MBD6: variants seen among roughly 807,000 people sequenced by gnomAD.
MBD6 encodes methyl-CpG-binding domain protein 6.
In MBD6, 22 loss-of-function variants were observed where a neutral mutation model predicts 66.8. The ratio of observed to expected loss-of-function variants is 0.33; its 90% CI spans 0.24 to 0.47. The LOEUF is 0.47. Ranked by LOEUF, MBD6 falls within the 20% of genes least tolerant of loss-of-function variation. MBD6 has a pLI of 1.00. For missense variants in MBD6, 1,322 were observed against 1,286.9 expected (o/e 1.03, Z -0.42); for synonymous variants, 540 against 534.6 (o/e 1.01, Z -0.14).
chr12:57,529,396 A>T lies in MBD6; in HGVS notation c.*162A>T. The T allele has an allele frequency of 1.7e-6, 1 of 574,720 alleles. No homozygotes were observed. The allele number at this position is 574,720 out of a possible 1,614,324, so 35.6% of individuals were successfully genotyped here. A position where few individuals can be genotyped will look rare whatever the true frequency, so the allele number is the denominator to read the frequency against. On this transcript the variant is annotated 3_prime_UTR_variant, in exon 13 of 13. Transcript: ENST00000355673. ...TTCCCCTACAATCCCATCCTGAGCC[A>T]TTGCAGGGGGCAGGGAAGTTCACCC...
chr12:57,525,697 C>T lies in MBD6; in HGVS notation c.729C>T (p.Gly243=). 3.1e-6 allele frequency: 5 copies of T among 1,614,050 alleles called. No individual in the cohort carries two copies. Among genetic ancestry groups the T allele is most frequent in the Non-Finnish European group, 4.2e-6 (5 of 1,179,974 alleles). Residue 243 remains glycine, a synonymous_variant, in exon 6 of 13, where the codon GGC becomes GGT. Coordinates refer to ENST00000355673, the MANE Select transcript of MBD6 (RefSeq NM_052897.4). Reference sequence around the variant, plus strand: ...CCAGCCTGGTGCCCTCTGACCTGGGCTCTCCTCCGGCCCCTCATGCCTCCT... The same window carrying T: ...CCAGCCTGGTGCCCTCTGACCTGGGTTCTCCTCCGGCCCCTCATGCCTCCT... ...LRSSLVPSDL[G]SPPAPHASSS... is the part of the protein sequence containing the mutation.
At position 57,529,858 on chromosome 12, in the gene MBD6, G is replaced by A. The variant is rs1391370068; in HGVS notation, c.*624G>A. ...TCTGGGATATAAAAAAGGGGGTAAG[G>A]GGGCAAAGAGAGCCCTCTGGGCCTC... On this transcript the variant is annotated 3_prime_UTR_variant, in exon 13 of 13. Coordinates refer to ENST00000355673, the MANE Select transcript of MBD6 (RefSeq NM_052897.4). 6.5e-6 allele frequency: 1 copy of A among 153,862 alleles called. No individual in the cohort carries two copies. The allele number at this position is 153,862 out of a possible 1,614,324, so 9.5% of individuals were successfully genotyped here.
In MBD6 at chr12:57,527,080, CG is replaced by C; in HGVS notation, c.1940del (p.Gly647ValfsTer28). The C allele has an allele frequency of 1.9e-6, 3 of 1,601,732 alleles. No homozygotes were observed. The highest frequency in any genetic ancestry group is 1.7e-5 in the Admixed American group (1 of 59,084). ...GDGEGSAEGA[G>X]GPSGEPFSGL... is the part of the protein sequence containing the mutation. ...ATGGGGAGGGATCTGCAGAGGGAGC[CG>C]GGGGTCCAAGTGGGGAGCCATTTTC... On this transcript the variant is annotated frameshift_variant, in exon 7 of 13. Coordinates refer to ENST00000355673, the MANE Select transcript of MBD6 (RefSeq NM_052897.4). LOFTEE classifies it high-confidence loss of function.
rs1565664824 is a variant in MBD6, at chr12:57,525,963, A to G, written c.995A>G (p.His332Arg). 1 of 1,610,880 alleles carries G rather than the reference A, an allele frequency of 6.2e-7. No individual in the cohort carries two copies. The change falls in exon 6 of 13, where the codon CAT becomes CGT. Residue 332 changes from histidine (H) to arginine (R), a missense_variant. His to Arg is a conservative substitution (Grantham distance 29, BLOSUM62 0). Coordinates refer to ENST00000355673, the MANE Select transcript of MBD6 (RefSeq NM_052897.4). Reference protein sequence around the residue: ...SLLSAAAKAQHPPLPPPSTLQ... With the variant: ...SLLSAAAKAQRPPLPPPSTLQ... ...CTCTCTGCAGCGGCCAAGGCACAGCATCCCCCACTACCCCCTCCCAGCACT... is the reference window on the plus strand; with the variant it reads ...CTCTCTGCAGCGGCCAAGGCACAGCGTCCCCCACTACCCCCTCCCAGCACT...
rs199942557 is a variant in MBD6 at position 57,525,848 on chromosome 12, A to G, written c.880A>G (p.Thr294Ala). Residue 294 changes from threonine to alanine, a missense_variant, in exon 6 of 13, where the codon ACT becomes GCT. Physicochemically the swap from Thr to Ala is moderately conservative, Grantham distance 58. Transcript: ENST00000355673. ...CTCTCAGCCACCAGTGTCTTCAGCC[A>G]CTATGCACCTGCCCCTGGTCCTGGG... ...PASQPPVSSA[T>A]MHLPLVLGPL... 7.9e-6 allele frequency: 12 copies of G among 1,521,528 alleles called. No individual in the cohort carries two copies. The highest frequency in any genetic ancestry group is 6.3e-5 in the African/African-American group (4 of 63,038). 94.3% of individuals were successfully genotyped at this position (1,521,528 alleles called of 1,614,324 possible).
In MBD6 at chr12:57,529,467, G is replaced by A. The variant is rs1879408125; in HGVS notation, c.*233G>A. On this transcript the variant is annotated 3_prime_UTR_variant, in exon 13 of 13. Coordinates refer to ENST00000355673, the MANE Select transcript of MBD6 (RefSeq NM_052897.4). ...CCCCCGAAGCCATGTCACTGAAAAG[G>A]CCTGGGGGGGATGGTATATGGCCCT... The A allele has an allele frequency of 3.8e-6, 2 of 522,254 alleles. 1 individual carries two copies. Among genetic ancestry groups the A allele is most frequent in the African/African-American group, 4.5e-5 (2 of 44,300 alleles). 32.4% of individuals were successfully genotyped at this position (522,254 alleles called of 1,614,324 possible). A position where few individuals can be genotyped will look rare whatever the true frequency, so the allele number is the denominator to read the frequency against.
In MBD6 at chr12:57,526,929, C is replaced by G. The variant is rs1180649252; in HGVS notation, c.1784C>G (p.Pro595Arg). The change falls in exon 7 of 13, where the codon CCT (proline) becomes CGT (arginine). Residue 595 changes from proline (P) to arginine (R), a missense_variant. Coordinates refer to ENST00000355673, the MANE Select transcript of MBD6 (RefSeq NM_052897.4). ...PPLAPGEPEG[P>R]SLLVASLLPP... ...CTAGCCCCAGGAGAGCCTGAAGGGC[C>G]TTCGCTTTTGGTGGCTTCCTTGCTT... The G allele has an allele frequency of 6.2e-7, 1 of 1,613,792 alleles. No homozygotes were observed. Among genetic ancestry groups the G allele is most frequent in the Admixed American group, 1.7e-5 (1 of 60,024 alleles).
chr12:57,526,824 T>C lies in MBD6; in HGVS notation c.1679T>C (p.Leu560Ser), dbSNP rs754845499. The C allele has an allele frequency of 8.7e-6, 14 of 1,613,266 alleles. No homozygotes were observed. The highest frequency in any genetic ancestry group is 1.3e-5 in the African/African-American group (1 of 75,000). The part of the protein sequence containing the change: ...PPPSPLLNHS[L>S]FGVLTGGGGQ... ...CCTTCTCCATTGCTCAACCACAGTT[T>C]ATTTGGTGTGCTGACTGGGGGAGGA... Residue 560 changes from leucine (L) to serine (S), a missense_variant, in exon 7 of 13, where the codon TTA (leucine) becomes TCA (serine). Coordinates refer to ENST00000355673, the MANE Select transcript of MBD6 (RefSeq NM_052897.4).
rs1276432778 is a variant in MBD6 at position 57,527,700 on chromosome 12, A to G, written c.2236+40A>G. Reference sequence around the variant, plus strand: ...GTGTGAATTCACACTCTTGGTGTGAAAAAGCAGGAGTAAAACTTGGGAGTA... The same window carrying G: ...GTGTGAATTCACACTCTTGGTGTGAGAAAGCAGGAGTAAAACTTGGGAGTA... On this transcript the variant is annotated intron_variant, in intron 8 of 12. Coordinates refer to ENST00000355673, the MANE Select transcript of MBD6 (RefSeq NM_052897.4). The G allele has an allele frequency of 2.6e-6, 4 of 1,560,356 alleles. No individual in the cohort carries two copies. The African/African-American group carries it at 4.1e-5, about 16-fold the overall frequency.
downstream of MBD6, among the ~76,000 whole-genome samples, chr12:57,531,445 A>T (rs142468486): frequency 1.3e-5 from 2 of 152,292 alleles, no homozygotes; most frequent in African/African-American, 4.8e-5. Flanking sequence ...TGAGCCCGGG[A>T]GGTGGAGGCT....
downstream of MBD6, chr12:57,530,854 G>A: frequency 8.1e-7 from 1 of 1,232,652 alleles, no homozygotes; most frequent in South Asian, 1.2e-5. Context: ...AATTCTCTGA[G>A]AGAGAAGACA....
upstream of MBD6, among the ~76,000 whole-genome samples, chr12:57,522,521 C>A (rs1486354539): frequency 6.6e-6 from 1 of 151,824 alleles, no homozygotes; most frequent in Non-Finnish European, 1.5e-5. Flanking sequence ...GGATTGGCCA[C>A]CAGTGGCCTG....
In MBD6 at chr12:57,527,656, G is replaced by T. The variant is rs757110765; in HGVS notation, c.2232G>T (p.Leu744=). The T allele has an allele frequency of 1.3e-6, 2 of 1,595,186 alleles. No individual in the cohort carries two copies. The highest frequency in any genetic ancestry group is 1.7e-6 in the Non-Finnish European group (2 of 1,171,212). ...QLLSPLLGAS[L]LGDLSSLTSS... Reference sequence around the variant, plus strand: ...TTAGCCCTCTGCTGGGTGCCAGCCTGCTGGGTGAGTCTGAGGGAGTGTGAA... The same window carrying T: ...TTAGCCCTCTGCTGGGTGCCAGCCTTCTGGGTGAGTCTGAGGGAGTGTGAA... Residue 744 remains leucine, a synonymous_variant, in exon 8 of 13, where the codon CTG becomes CTT. Coordinates refer to ENST00000355673, the MANE Select transcript of MBD6 (RefSeq NM_052897.4).
downstream of MBD6, chr12:57,530,908 A>G (rs115954379): frequency 2.6e-6 from 2 of 769,020 alleles, no homozygotes; most frequent in African/African-American, 3.4e-5. Context: ...GGGGATGTTT[A>G]TAGCACCAAT....
At chr12:57,522,822 G>C (rs1565659806), upstream of MBD6, 1 of 153,414 alleles carries the variant, frequency 6.5e-6, no homozygotes, top group African/African-American at 2.4e-5. Context: ...CCCCAGGGCT[G>C]CCCCTGGCCC....
At chr12:57,522,750 GCGGCAGCGA>G (rs1313046426), upstream of MBD6, 4 of 139,186 alleles carry the variant, frequency 2.9e-5, no homozygotes, top group South Asian at 2.1e-4. Flanking sequence ...GGCGGCGGCT[GCGGCAGCGA>G]CGGCGGCGGC....
intron 8 of MBD6, 89 bp from the exon 9 acceptor site, chr12:57,527,759 C>T: frequency 3.9e-6 from 6 of 1,556,216 alleles, no homozygotes; most frequent in South Asian, 1.2e-5. Context: ...AAGTCTTTGG[C>T]CACTGGATAA....
In MBD6 at chr12:57,529,582, A is replaced by C; in HGVS notation, c.*348A>C. 4.8e-6 allele frequency: 1 copy of C among 208,048 alleles called. No homozygotes were observed. The highest frequency in any genetic ancestry group is 1.0e-5 in the Non-Finnish European group (1 of 100,360). 12.9% of individuals were successfully genotyped at this position (208,048 alleles called of 1,614,324 possible). On this transcript the variant is annotated 3_prime_UTR_variant, in exon 13 of 13. Coordinates refer to ENST00000355673, the MANE Select transcript of MBD6 (RefSeq NM_052897.4). The stretch of plus-strand genomic sequence containing the variant: ...TGCACAAATGACTCTTTTATATTTA[A>C]TTCGATTTCATTGCCTCCCTTCTTA...
chr12:57,530,590 G>T, downstream of MBD6: 1 of 1,053,474 alleles, frequency 9.5e-7, no homozygotes, highest in South Asian at 1.5e-5. Context: ...CAAATGGGAT[G>T]GGGATGCTAG....
Sources: gnomAD v4.1 joint callset for allele counts (sites outside exome capture counted in the v4.1 genomes callset) on GRCh38, gnomAD v4.1.1 for gene constraint, MANE v1.5 for transcripts, NCBI Gene and HGNC (gene_info 2026-07-23, HGNC 2026-07-21) for gene names.